NR6A1: variants seen among roughly 807,000 people sequenced by gnomAD.
The protein encoded by NR6A1 is nuclear receptor subfamily 6 group A member 1, also known as retinoic acid receptor-related testis-associated receptor.
A neutral mutation model predicts 59.1 loss-of-function variants in NR6A1; 7 were observed. The observed-to-expected ratio is 0.12, with a 90% confidence interval of 0.07 to 0.22. The LOEUF is 0.22. Ranked by LOEUF, NR6A1 falls within the 10% of genes least tolerant of loss-of-function variation. The probability of loss-of-function intolerance (pLI) is 1.00; values close to 1 mark genes in which losing one functional copy is unlikely to be tolerated. For missense variants in NR6A1, 468 were observed against 611.6 expected (o/e 0.77, Z 2.48); for synonymous variants, 243 against 236.1 (o/e 1.03, Z -0.27).
intron 1 of NR6A1, among the ~76,000 whole-genome samples, chr9:124,755,330 C>T (rs902903389): frequency 1.3e-5 from 2 of 152,164 alleles, no homozygotes; most frequent in Admixed American, 6.6e-5. Flanking sequence ...TGTGTATTAA[C>T]AACTTTTTCC....
intron 1 of NR6A1, among the ~76,000 whole-genome samples, chr9:124,761,535 G>C (rs1269304034): frequency 6.6e-6 from 1 of 152,146 alleles, no homozygotes; most frequent in African/African-American, 2.4e-5. Flanking sequence ...ACTAGGAAAG[G>C]ATATTCTTCG....
chr9:124,695,150 C>T (rs1012235358), intron 2 of NR6A1, among the ~76,000 whole-genome samples: 16 of 152,202 alleles, frequency 1.1e-4, no homozygotes, highest in Middle Eastern at 3.2e-3. Flanking sequence ...TGTGTCACCA[C>T]CTGAAATCGC....
At chr9:124,714,470 C>T (rs1839360620) in intron 2 of NR6A1, among the ~76,000 whole-genome samples, 1 of 152,194 alleles carries the variant, frequency 6.6e-6, no homozygotes, top group African/African-American at 2.4e-5. Flanking sequence ...TGAAATTGAA[C>T]TCCTTCCCCC....
chr9:124,680,094 G>A (rs199756648), intron 2 of NR6A1, among the ~76,000 whole-genome samples: 6,190 of 129,896 alleles, frequency 0.048, 304 homozygotes, highest in East Asian at 0.18. Context: ...GTATGTATGT[G>A]TGTGTGTGTG....
intron 2 of NR6A1, among the ~76,000 whole-genome samples, chr9:124,573,345 C>T (rs1208294500): frequency 6.6e-6 from 1 of 152,208 alleles, no homozygotes; most frequent in Non-Finnish European, 1.5e-5. Context: ...AGCATACTTC[C>T]ATAAGTAAGG....
chr9:124,732,551 G>T (rs1247864120), intron 2 of NR6A1, among the ~76,000 whole-genome samples: 4 of 152,114 alleles, frequency 2.6e-5, no homozygotes, highest in African/African-American at 9.7e-5. Context: ...GACCGTAAAT[G>T]AAAATTAAAC....
intron 2 of NR6A1, among the ~76,000 whole-genome samples, chr9:124,711,357 C>G (rs1416899284): frequency 3.9e-5 from 6 of 151,982 alleles, no homozygotes; most frequent in African/African-American, 1.4e-4. Context: ...TCTCACACCC[C>G]CTTAACTGAT....
chr9:124,615,294 A>G (rs143421074), intron 2 of NR6A1, among the ~76,000 whole-genome samples: 1 of 152,228 alleles, frequency 6.6e-6, no homozygotes, highest in Non-Finnish European at 1.5e-5. Context: ...AATGATTTGA[A>G]AATCAACACT....
chr9:124,635,245 T>C (rs1483774393), intron 2 of NR6A1, among the ~76,000 whole-genome samples: 2 of 152,202 alleles, frequency 1.3e-5, no homozygotes, highest in Non-Finnish European at 2.9e-5. Flanking sequence ...GAATGTCATA[T>C]AGTTGGACTC....
chr9:124,649,686 A>G (rs1313508608), intron 2 of NR6A1, among the ~76,000 whole-genome samples: 1 of 152,226 alleles, frequency 6.6e-6, no homozygotes, highest in East Asian at 1.9e-4. Flanking sequence ...GAATGGGAGA[A>G]AATATTTGCA....
chr9:124,589,322 T>C (rs1835038018), intron 2 of NR6A1, among the ~76,000 whole-genome samples: 1 of 152,130 alleles, frequency 6.6e-6, no homozygotes, highest in Non-Finnish European at 1.5e-5. Context: ...GGCGGGCGCC[T>C]GTAGTCCCAG....
chr9:124,743,602 T>C (rs1360373044), intron 1 of NR6A1, among the ~76,000 whole-genome samples: 1 of 152,228 alleles, frequency 6.6e-6, no homozygotes, highest in African/African-American at 2.4e-5. Flanking sequence ...TTTTTCCGGC[T>C]TCTAGCTTTG....
chr9:124,579,160 G>A (rs561390201), intron 2 of NR6A1, among the ~76,000 whole-genome samples: 1 of 152,362 alleles, frequency 6.6e-6, no homozygotes, highest in South Asian at 2.1e-4. Flanking sequence ...GCATGCACCT[G>A]TGGTCCCAGC....
intron 2 of NR6A1, among the ~76,000 whole-genome samples, chr9:124,615,417 G>T (rs1045525856): frequency 1.3e-5 from 2 of 152,110 alleles, no homozygotes; most frequent in Non-Finnish European, 2.9e-5. Flanking sequence ...TCTCTTAAAG[G>T]CCCATATAGC....
chr9:124,723,807 G>A (rs557136525), intron 2 of NR6A1, among the ~76,000 whole-genome samples: 2 of 152,292 alleles, frequency 1.3e-5, no homozygotes, highest in African/African-American at 4.8e-5. Flanking sequence ...TCATAGATGA[G>A]AAAAGGAAGG....
intron 2 of NR6A1, among the ~76,000 whole-genome samples, chr9:124,611,749 T>TAGAGAGAGAGAGAGAGAGAGAG (rs34197337): frequency 1.4e-4 from 13 of 91,474 alleles, no homozygotes; most frequent in African/African-American, 5.1e-4. Context: ...GACCCTGTCT[T>TAGAGAGAGAGAGAGAGAGAGAG]AGAGAGAGAG....
intron 2 of NR6A1, among the ~76,000 whole-genome samples, chr9:124,557,636 T>A (rs1833967229): frequency 6.6e-6 from 1 of 152,122 alleles, no homozygotes; most frequent in Non-Finnish European, 1.5e-5. Flanking sequence ...TAGCAAATTT[T>A]AAAAATTAAA....
At chr9:124,544,965 G>A (rs986049260) in intron 3 of NR6A1, among the ~76,000 whole-genome samples, 1 of 152,186 alleles carries the variant, frequency 6.6e-6, no homozygotes, top group African/African-American at 2.4e-5. Context: ...ATGACATTAT[G>A]TAATAGCAGG....
intron 2 of NR6A1, among the ~76,000 whole-genome samples, chr9:124,586,145 A>G (rs747551587): frequency 4.6e-5 from 7 of 152,220 alleles, no homozygotes; most frequent in Non-Finnish European, 8.8e-5. Flanking sequence ...TTTAAGAAAT[A>G]CATATCATAA....
Sources: gnomAD v4.1 joint callset for allele counts (sites outside exome capture counted in the v4.1 genomes callset) on GRCh38, gnomAD v4.1.1 for gene constraint, MANE v1.5 for transcripts, NCBI Gene and HGNC (gene_info 2026-07-23, HGNC 2026-07-21) for gene names.